The following GRAMD1C variants were observed in gnomAD, a reference collection of about 807,000 sequenced individuals.
The protein encoded by GRAMD1C is GRAM domain containing 1C.
In GRAMD1C, 89 loss-of-function variants were observed where a neutral mutation model predicts 97.8. The ratio of observed to expected loss-of-function variants is 0.91; its 90% CI spans 0.77 to 1.09. GRAMD1C has a LOEUF of 1.09. Among genes scored for constraint, GRAMD1C ranks in the 50% least tolerant of loss-of-function variants. The pLI is 0.00. For missense variants in GRAMD1C, 740 were observed against 766.4 expected (o/e 0.97, Z 0.41); for synonymous variants, 256 against 267.0 (o/e 0.96, Z 0.40).
At chr3:113,840,190 A>T (rs572336044) in intron 1 of GRAMD1C, among the ~76,000 whole-genome samples, 116 of 151,608 alleles carry the variant, frequency 7.7e-4, no homozygotes, top group Middle Eastern at 3.4e-3. Context: ...ATGGTCTTGA[A>T]CTCCTGACCT....
chr3:113,933,329 G>GC (rs1027327359), intron 11 of GRAMD1C, among the ~76,000 whole-genome samples, 182 bp from the exon 12 acceptor site: 4 of 152,132 alleles, frequency 2.6e-5, no homozygotes, highest in Middle Eastern at 6.3e-3. Context: ...GCCATACCCG[G>GC]CCCTCTTTTT....
Position 113,905,594 on chromosome 3 carries a change from T to C in GRAMD1C, c.789+1322T>C, listed in dbSNP as rs1936341519. Among the ~76,000 whole-genome samples, 2 of 152,230 alleles carry C rather than the reference T, an allele frequency of 1.3e-5. 1 individual carries two copies. The highest frequency in any genetic ancestry group is 4.1e-4 in the South Asian group (2 of 4,830). On this transcript the variant is annotated intron_variant, in intron 8 of 17. Transcript: ENST00000358160. ...AGTGAGGATTATACTTTATAAGGTC[T>C]TTTTTAATAAGAGTTAAATGAATTA...
At position 113,898,562 on chromosome 3, in the gene GRAMD1C, C is replaced by T. The variant is rs373691144; in HGVS notation, c.541-2469C>T. Among the ~76,000 whole-genome samples, 112 of 152,216 alleles carry T rather than the reference C, an allele frequency of 7.4e-4. 1 individual carries two copies. Among genetic ancestry groups the T allele is most frequent in the African/African-American group, 2.6e-3 (108 of 41,556 alleles). On this transcript the variant is annotated intron_variant, in intron 6 of 17. Transcript: ENST00000358160. ...AAGGACAGTGGTTTCTTAATTTTCTCTACCACTAATGGTCCTTTTTATGTT... is the reference window on the plus strand; with the variant it reads ...AAGGACAGTGGTTTCTTAATTTTCTTTACCACTAATGGTCCTTTTTATGTT...
At chr3:113,928,116 C>A (rs114419654) in intron 10 of GRAMD1C, among the ~76,000 whole-genome samples, 427 of 152,284 alleles carry the variant, frequency 2.8e-3, no homozygotes, top group Non-Finnish European at 5.2e-3. Context: ...GGAGCTTTTC[C>A]TGGCTCTGTG....
At chr3:113,917,430 T>A (rs1397578533) in intron 10 of GRAMD1C, among the ~76,000 whole-genome samples, 1 of 151,710 alleles carries the variant, frequency 6.6e-6, no homozygotes, top group East Asian at 1.9e-4. Flanking sequence ...TTCAAGCGAT[T>A]CTTGTGCCTC....
At position 113,891,061 on chromosome 3, in the gene GRAMD1C, CT is replaced by C. The variant is rs1316309712; in HGVS notation, c.540+8232del. The stretch of plus-strand genomic sequence containing the variant: ...TTCACAGTAGTTATACCTTTTACAT[CT>C]TTGGATCATTTGGTTATCTTTAATG... On this transcript the variant is annotated intron_variant, in intron 6 of 17. Transcript: ENST00000358160. 1.9e-4 allele frequency: 54 copies of C among 286,380 alleles called. 1 individual carries two copies. The highest frequency in any genetic ancestry group is 1.0e-3 in the African/African-American group (47 of 46,510). 17.7% of individuals were successfully genotyped at this position (286,380 alleles called of 1,614,324 possible). A position where few individuals can be genotyped will look rare whatever the true frequency, so the allele number is the denominator to read the frequency against.
At chr3:113,877,991 G>A (rs1424431773) in intron 5 of GRAMD1C, among the ~76,000 whole-genome samples, 1 of 152,046 alleles carries the variant, frequency 6.6e-6, no homozygotes, top group Non-Finnish European at 1.5e-5. Flanking sequence ...TTTTGGTCAG[G>A]CTGGTCTTGA....
At chr3:113,936,219 T>C (rs936914049) in intron 13 of GRAMD1C, 47 bp from the exon 14 acceptor site, 1 of 1,099,112 alleles carries the variant, frequency 9.1e-7, no homozygotes, top group Non-Finnish European at 1.3e-6. Context: ...TATCTTATAG[T>C]TGAGGAGCTT....
At chr3:113,892,254 C>T (rs1356726391) in intron 6 of GRAMD1C, among the ~76,000 whole-genome samples, 1 of 151,974 alleles carries the variant, frequency 6.6e-6, no homozygotes, top group Non-Finnish European at 1.5e-5. Context: ...GGCTGACCAC[C>T]TGAGGTTAGG....
At chr3:113,916,545 C>A (rs1936820332) in intron 10 of GRAMD1C, among the ~76,000 whole-genome samples, 1 of 151,848 alleles carries the variant, frequency 6.6e-6, no homozygotes, top group Admixed American at 6.6e-5. Context: ...AGATAAAAAC[C>A]AGGCCAAACA....
At chr3:113,830,300 GT>G in intron 1 of GRAMD1C, among the ~76,000 whole-genome samples, 1 of 152,312 alleles carries the variant, frequency 6.6e-6, no homozygotes, top group South Asian at 2.1e-4. Context: ...GACCCTCCCT[GT>G]TGAACATGCC....
At chr3:113,900,953 C>T (rs1181455140) in intron 6 of GRAMD1C, 78 bp from the exon 7 acceptor site, 4 of 797,352 alleles carry the variant, frequency 5.0e-6, no homozygotes, top group Non-Finnish European at 8.6e-6. Context: ...TTTTTGACTT[C>T]AAAACTCATG....
chr3:113,838,616 G>T (rs1164594482), upstream of GRAMD1C: 1 of 338,918 alleles, frequency 3.0e-6, no homozygotes, highest in East Asian at 4.5e-5. Context: ...TCACCTTTTC[G>T]CACATTGGGG....
rs1177539184 is a variant in GRAMD1C, at chr3:113,939,968, C to G, written c.1774C>G (p.Leu592Val). 1 of 1,596,480 alleles carries G rather than the reference C, an allele frequency of 6.3e-7. No homozygotes were observed. The highest frequency in any genetic ancestry group is 1.1e-5 in the South Asian group (1 of 90,688). ...ACATGCTGCTCAGTCCTTTTACCGT[C>G]TCCGCCTCCAAGAAGAGAAATCTTT... is the stretch of plus-strand genomic sequence containing the variant. ...IEHAAQSFYR[L>V]RLQEEKSLNL... is the part of the protein sequence containing the mutation. The change falls in exon 16 of 18, where the codon CTC becomes GTC. Residue 592 changes from leucine to valine, a missense_variant. By Grantham distance (32) the Leu-to-Val change is conservative (BLOSUM62 1). Transcript: ENST00000358160.
chr3:113,873,955 A>G (rs995919255), intron 3 of GRAMD1C, among the ~76,000 whole-genome samples: 2 of 152,242 alleles, frequency 1.3e-5, no homozygotes, highest in Non-Finnish European at 2.9e-5. Context: ...TCTCTGTTTT[A>G]GTGATGAATA....
At chr3:113,903,317 T>G (rs1021116483) in intron 7 of GRAMD1C, among the ~76,000 whole-genome samples, 3 of 152,122 alleles carry the variant, frequency 2.0e-5, no homozygotes, top group African/African-American at 7.2e-5. Flanking sequence ...ATCCTCATTC[T>G]CTCTTCTACT....
At chr3:113,848,478 A>C (rs1161736674) in intron 2 of GRAMD1C, among the ~76,000 whole-genome samples, 5 of 147,392 alleles carry the variant, frequency 3.4e-5, no homozygotes, top group African/African-American at 1.3e-4. Context: ...TAAAGATAGG[A>C]ATCTTAGTTG....
chr3:113,857,237 T>C (rs1416928335), intron 2 of GRAMD1C, among the ~76,000 whole-genome samples: 1 of 152,210 alleles, frequency 6.6e-6, no homozygotes, highest in Non-Finnish European at 1.5e-5. Flanking sequence ...CTATGTTGAA[T>C]AAGAACGGTG....
chr3:113,836,629 A>G (rs1172382886), upstream of GRAMD1C, among the ~76,000 whole-genome samples: 2 of 150,934 alleles, frequency 1.3e-5, no homozygotes, highest in African/African-American at 2.4e-5. Flanking sequence ...GCCACAAGTT[A>G]TTATTATTAT....
Sources: gnomAD v4.1 joint callset for allele counts (sites outside exome capture counted in the v4.1 genomes callset) on GRCh38, gnomAD v4.1.1 for gene constraint, MANE v1.5 for transcripts, NCBI Gene and HGNC (gene_info 2026-07-23, HGNC 2026-07-21) for gene names.